STXBP5: variants seen among roughly 807,000 people sequenced by gnomAD.
STXBP5 encodes the protein syntaxin-binding protein 5.
In STXBP5, 50 loss-of-function variants were observed where a neutral mutation model predicts 152.4. That is an observed-to-expected ratio of 0.33 (90% CI 0.26 to 0.42). STXBP5 has a LOEUF of 0.42. Ranked by LOEUF, STXBP5 falls within the 10% of genes least tolerant of loss-of-function variation. The pLI is 1.00. For missense variants in STXBP5, 1,167 were observed against 1,388.6 expected, an observed-to-expected ratio of 0.84 and a Z score of 2.54; for synonymous variants, 492 against 494.7, an observed-to-expected ratio of 0.99 and a Z score of 0.07.
At chr6:147,265,600 G>C (rs1025534485) in intron 6 of STXBP5, among the ~76,000 whole-genome samples, 7 of 152,016 alleles carry the variant, frequency 4.6e-5, no homozygotes, top group Admixed American at 1.3e-4. Flanking sequence ...TGAATGAAAG[G>C]GGAGGAGGTT....
intron 2 of STXBP5, among the ~76,000 whole-genome samples, chr6:147,227,252 C>T (rs1302913589): frequency 2.6e-5 from 4 of 152,088 alleles, no homozygotes; most frequent in African/African-American, 9.7e-5. Flanking sequence ...TACTTTTCTC[C>T]ACTTTAGAAA....
chr6:147,341,161 C>T (rs537884383), intron 21 of STXBP5, among the ~76,000 whole-genome samples: 1 of 152,112 alleles, frequency 6.6e-6, no homozygotes, highest in East Asian at 1.9e-4. Context: ...GAGACTGCCC[C>T]ATTTTAGACT....
At chr6:147,225,195 G>C (rs1777648072) in intron 2 of STXBP5, among the ~76,000 whole-genome samples, 2 of 151,802 alleles carry the variant, frequency 1.3e-5, no homozygotes, top group South Asian at 4.2e-4. Context: ...ATTTTTTCTT[G>C]GTTTAGTAGG....
At chr6:147,246,972 T>C (rs1778840864) in intron 4 of STXBP5, among the ~76,000 whole-genome samples, 1 of 152,226 alleles carries the variant, frequency 6.6e-6, no homozygotes, top group Admixed American at 6.5e-5. Context: ...AAAACTCATT[T>C]ATTACATTAT....
At chr6:147,380,524 A>G (rs1786033923) in intron 26 of STXBP5, among the ~76,000 whole-genome samples, 1 of 152,014 alleles carries the variant, frequency 6.6e-6, no homozygotes, top group Admixed American at 6.6e-5. Flanking sequence ...AAATGGCTCA[A>G]AGACCTCAAT....
chr6:147,333,625 G>C (rs538498946), intron 18 of STXBP5, among the ~76,000 whole-genome samples: 4 of 152,300 alleles, frequency 2.6e-5, no homozygotes, highest in Admixed American at 6.5e-5. Flanking sequence ...CTTAGAAGCT[G>C]AATTCAGTAC....
intron 2 of STXBP5, among the ~76,000 whole-genome samples, chr6:147,217,504 C>A (rs894503770): frequency 2.0e-5 from 3 of 152,280 alleles, no homozygotes; most frequent in Admixed American, 6.5e-5. Context: ...TATCAAAAGC[C>A]ATTCTAAAGA....
intron 9 of STXBP5, among the ~76,000 whole-genome samples, chr6:147,302,817 T>G (rs1473949572): frequency 6.6e-6 from 1 of 152,198 alleles, no homozygotes; most frequent in East Asian, 1.9e-4. Context: ...AAATGCATAC[T>G]GGCGTATAAC....
intron 9 of STXBP5, chr6:147,292,460 TAATG>T (rs557902128): frequency 1.9e-3 from 470 of 246,882 alleles, no homozygotes; most frequent in Non-Finnish European, 3.3e-3. Flanking sequence ...ATTGAGATGA[TAATG>T]TATGTAAAAC....
At chr6:147,295,786 A>G (rs1003156564) in intron 9 of STXBP5, among the ~76,000 whole-genome samples, 2 of 152,164 alleles carry the variant, frequency 1.3e-5, no homozygotes, top group Admixed American at 1.3e-4. Context: ...AGGAATTTCC[A>G]TGAAGCTGCA....
At chr6:147,241,908 CTG>C (rs1368753566) in intron 4 of STXBP5, among the ~76,000 whole-genome samples, 2 of 151,992 alleles carry the variant, frequency 1.3e-5, no homozygotes, top group Non-Finnish European at 2.9e-5. Context: ...TAACAAATGA[CTG>C]TTACTGTCAT....
In STXBP5 at chr6:147,385,205, TA is replaced by T. The variant is rs1786281592; in HGVS notation, c.*453del. The T allele has an allele frequency of 6.3e-6, 1 of 157,534 alleles. No homozygotes were observed. Among genetic ancestry groups the T allele is most frequent in the African/African-American group, 2.4e-5 (1 of 41,518 alleles). The allele number at this position is 157,534 out of a possible 1,614,324, so 9.8% of individuals were successfully genotyped here. A position where few individuals can be genotyped will look rare whatever the true frequency, so the allele number is the denominator to read the frequency against. On this transcript the variant is annotated 3_prime_UTR_variant, in exon 28 of 28. Coordinates refer to ENST00000321680, the MANE Select transcript of STXBP5 (RefSeq NM_001127715.4). ...ATATGTGTGTCATTGGACTGGATTA[TA>T]AACAGCTGTCTTGGACTTTCCCTCT...
At chr6:147,345,335 T>C (rs1022746750) in intron 21 of STXBP5, among the ~76,000 whole-genome samples, 6 of 152,214 alleles carry the variant, frequency 3.9e-5, no homozygotes, top group Admixed American at 6.5e-5. Flanking sequence ...ATTGGTATTA[T>C]TAGTTCTAAT....
In STXBP5 at chr6:147,281,028, G is replaced by T. The variant is rs1245898276; in HGVS notation, c.838+2824G>T. Among the ~76,000 whole-genome samples the T allele has an allele frequency of 2.0e-5, 3 of 152,124 alleles. No individual in the cohort carries two copies. The East Asian group carries it at 5.8e-4, about 29-fold the overall frequency. ...AGGGTTTCCAGCTTTCTTTTTGGCA[G>T]TAAAAACTACCAAGTGACAGGTAAC... On this transcript the variant is annotated intron_variant, in intron 8 of 27. Coordinates refer to ENST00000321680, the MANE Select transcript of STXBP5 (RefSeq NM_001127715.4).
At chr6:147,285,585 C>T (rs1186636939) in intron 8 of STXBP5, among the ~76,000 whole-genome samples, 4 of 151,680 alleles carry the variant, frequency 2.6e-5, no homozygotes, top group Admixed American at 1.3e-4. Context: ...TATTAACATC[C>T]TCTCAGAGGG....
At position 147,278,309 on chromosome 6, in the gene STXBP5, G is replaced by A. The variant is rs1034840713; in HGVS notation, c.838+105G>A. 26 of 1,150,048 alleles carry A rather than the reference G, an allele frequency of 2.3e-5. No individual in the cohort carries two copies. In the Admixed American group the frequency reaches 6.5e-4, roughly 29 times the overall value. The allele number at this position is 1,150,048 out of a possible 1,614,324, so 71.2% of individuals were successfully genotyped here. Reference sequence around the variant, plus strand: ...TTTGTTTGATTTTTAGGATAAGGATGGGTTTCCTTCTGTTTTTAGGGAATT... The same window carrying A: ...TTTGTTTGATTTTTAGGATAAGGATAGGTTTCCTTCTGTTTTTAGGGAATT... On this transcript the variant is annotated intron_variant, in intron 8 of 27. Transcript: ENST00000321680.
At chr6:147,329,778 A>G (rs970012295) in intron 18 of STXBP5, among the ~76,000 whole-genome samples, 1 of 151,648 alleles carries the variant, frequency 6.6e-6, no homozygotes, top group African/African-American at 2.4e-5. Context: ...GGCGCCCGCT[A>G]CCGCACCCGG....
At chr6:147,375,852 A>G (rs1346933321) in intron 26 of STXBP5, among the ~76,000 whole-genome samples, 2 of 152,030 alleles carry the variant, frequency 1.3e-5, no homozygotes, top group Non-Finnish European at 2.9e-5. Context: ...TGACTTCTCA[A>G]CAGCCAAAGA....
chr6:147,216,370 C>T (rs535802896), intron 2 of STXBP5, among the ~76,000 whole-genome samples: 10 of 151,968 alleles, frequency 6.6e-5, no homozygotes, highest in East Asian at 3.8e-4. Context: ...CCAGCCTGAG[C>T]GATAGAGTGA....
Sources: allele counts gnomAD v4.1 joint callset (sites outside exome capture counted in the v4.1 genomes callset), GRCh38; gene constraint gnomAD v4.1.1; transcripts MANE v1.5; gene names NCBI Gene and HGNC (gene_info 2026-07-23, HGNC 2026-07-21).